CCT5: variants seen among roughly 807,000 people sequenced by gnomAD.
CCT5 encodes the protein chaperonin containing TCP1 subunit 5.
In CCT5, 6 loss-of-function variants were observed where a neutral mutation model predicts 55.0. The ratio of observed to expected loss-of-function variants is 0.11; its 90% CI spans 0.06 to 0.22. The LOEUF is 0.22. Ranked by LOEUF, CCT5 falls within the 10% of genes least tolerant of loss-of-function variation. The pLI is 1.00. For synonymous variants in CCT5, 231 were observed against 243.7 expected, an observed-to-expected ratio of 0.95 and a Z score of 0.49; for missense variants, 560 against 694.6, an observed-to-expected ratio of 0.81 and a Z score of 2.18.
chr5:10,255,964 G>T lies in CCT5; in HGVS notation c.341G>T (p.Gly114Val). The change falls in exon 4 of 11, where the codon GGT becomes GTT. Residue 114 changes from glycine to valine, a missense_variant. Around this residue, in one of 4 missense-constraint regions of CCT5, gnomAD observed 137 missense variants for 181.9 expected, o/e 0.75. Coordinates refer to ENST00000280326, the MANE Select transcript of CCT5 (RefSeq NM_012073.5). Reference sequence around the variant, plus strand: ...GCTGGCTTATTTGCAGTCCTGGCTGGTGCCTTGTTAGAAGAAGCGGAGCAA... The same window carrying T: ...GCTGGCTTATTTGCAGTCCTGGCTGTTGCCTTGTTAGAAGAAGCGGAGCAA... ...DGTTGVVVLA[G>V]ALLEEAEQLL... is the part of the protein sequence containing the mutation. The T allele has an allele frequency of 6.2e-7, 1 of 1,614,140 alleles. No homozygotes were observed. The highest frequency in any genetic ancestry group is 1.6e-4 in the Middle Eastern group (1 of 6,062).
Position 10,262,584 on chromosome 5 carries a change from C to G in CCT5, c.1283C>G (p.Ser428Cys), listed in dbSNP as rs201280643. 6.8e-5 allele frequency: 109 copies of G among 1,614,204 alleles called. No homozygotes were observed. The East Asian group carries it at 2.3e-3, about 34-fold the overall frequency. ...TATGGAGGAGGGGCTGCTGAGATATCCTGTGCCCTGGCAGTTAGCCAAGAG... is the reference window on the plus strand; with the variant it reads ...TATGGAGGAGGGGCTGCTGAGATATGCTGTGCCCTGGCAGTTAGCCAAGAG... Reference protein sequence around the residue: ...VVYGGGAAEISCALAVSQEAD... With the variant: ...VVYGGGAAEICCALAVSQEAD... The change falls in exon 9 of 11, where the codon TCC (serine) becomes TGC (cysteine). Residue 428 changes from serine (S) to cysteine (C), a missense_variant. By Grantham distance (112) the Ser-to-Cys change is moderately radical (BLOSUM62 -1). This residue lies in a region of CCT5 where 256 missense variants were observed against 372.4 expected (regional missense o/e 0.69). Coordinates refer to ENST00000280326, the MANE Select transcript of CCT5 (RefSeq NM_012073.5).
chr5:10,250,204 C>A, upstream of CCT5: 3 of 1,550,208 alleles, frequency 1.9e-6, no homozygotes, highest in Non-Finnish European at 2.6e-6. Context: ...TGAAATTAGT[C>A]TCAGTAGAAA....
upstream of CCT5, chr5:10,250,259 G>A: frequency 1.2e-6 from 2 of 1,601,092 alleles, no homozygotes; most frequent in Non-Finnish European, 8.5e-7. Flanking sequence ...AAGCTTTTGG[G>A]CCCTCCCGAG....
intron 9 of CCT5, 130 bp from the exon 10 acceptor site, chr5:10,263,003 TA>T: frequency 3.9e-6 from 3 of 777,864 alleles, no homozygotes; most frequent in Non-Finnish European, 6.7e-6. Context: ...GATACAAAAA[TA>T]AAGACAGCCT....
At chr5:10,257,713 TC>T (rs1256506551) in intron 4 of CCT5, among the ~76,000 whole-genome samples, 23 of 152,332 alleles carry the variant, frequency 1.5e-4, no homozygotes, top group African/African-American at 5.5e-4. Context: ...GAGTGACTCT[TC>T]CTGAGTGATT....
chr5:10,254,131 GTT>G lies in CCT5; in HGVS notation c.106-12_106-11del. Reference sequence around the variant, plus strand: ...ATATGTAACAGTGTTTGCTTTTTCTGTTTGTTTCATTAGTCTCATATAATGGC... The same window carrying G: ...ATATGTAACAGTGTTTGCTTTTTCTGTGTTTCATTAGTCTCATATAATGGC... On this transcript the variant is annotated splice_polypyrimidine_tract_variant and intron_variant, in intron 1 of 10. Coordinates refer to ENST00000280326, the MANE Select transcript of CCT5 (RefSeq NM_012073.5). 1 of 1,587,278 alleles carries G rather than the reference GTT, an allele frequency of 6.3e-7. No homozygotes were observed. The highest frequency in any genetic ancestry group is 8.7e-7 in the Non-Finnish European group (1 of 1,156,022).
At chr5:10,259,194 G>C (rs1343513081) in intron 6 of CCT5, among the ~76,000 whole-genome samples, 1 of 152,166 alleles carries the variant, frequency 6.6e-6, no homozygotes, top group Admixed American at 6.5e-5. Flanking sequence ...AGTAATCCCA[G>C]TTCTTTGCTC....
intron 10 of CCT5, among the ~76,000 whole-genome samples, chr5:10,263,868 A>G (rs922208091): frequency 1.3e-5 from 2 of 152,228 alleles, no homozygotes; most frequent in Admixed American, 6.5e-5. Flanking sequence ...GCTTAAAGGT[A>G]TAGGTACATT....
intron 6 of CCT5, among the ~76,000 whole-genome samples, chr5:10,260,235 C>T (rs11951413): frequency 0.017 from 2,577 of 152,220 alleles, 70 homozygotes; most frequent in African/African-American, 0.058. Flanking sequence ...CTGATCGTTG[C>T]CCTCCTAATT....
At chr5:10,250,594 C>A (rs976065396) in intron 1 of CCT5, 149 bp downstream of exon 1, 7 of 1,476,144 alleles carry the variant, frequency 4.7e-6, no homozygotes, top group Non-Finnish European at 5.4e-6. Flanking sequence ...GGCCGCTCAG[C>A]CCGCTTACTG....
chr5:10,250,939 C>T, intron 1 of CCT5: 1 of 914,924 alleles, frequency 1.1e-6, no homozygotes, highest in Non-Finnish European at 1.3e-6. Context: ...GCTTTTTTGC[C>T]CACCCTTGAG....
chr5:10,258,004 C>G, intron 4 of CCT5, 107 bp from the exon 5 acceptor site: 1 of 1,221,218 alleles, frequency 8.2e-7, no homozygotes, highest in Non-Finnish European at 1.2e-6. Context: ...CTAGAAGACT[C>G]AAAACATCGT....
rs368678540 is a variant in CCT5, at chr5:10,265,876, CCTTAA to C, written c.*1096_*1100del. ...ATGAACTTTATCACTAGTTATGCCA[CCTTAA>C]CTAGTCAGATTTCCTAGAATTAGGA... On this transcript the variant is annotated 3_prime_UTR_variant, in exon 11 of 11. Coordinates refer to ENST00000280326, the MANE Select transcript of CCT5 (RefSeq NM_012073.5). 2 of 152,150 alleles carry C rather than the reference CCTTAA, an allele frequency of 1.3e-5. No individual in the cohort carries two copies. The highest frequency in any genetic ancestry group is 4.8e-5 in the African/African-American group (2 of 41,510). 9.4% of individuals were successfully genotyped at this position (152,150 alleles called of 1,614,324 possible).
chr5:10,262,350 A>C (rs1746007077), intron 8 of CCT5, 131 bp from the exon 9 acceptor site: 1 of 985,332 alleles, frequency 1.0e-6, no homozygotes, highest in Admixed American at 1.9e-5. Flanking sequence ...AGAAAGATAA[A>C]TATTATCCGA....
intron 1 of CCT5, 81 bp downstream of exon 1, chr5:10,250,526 G>A: frequency 1.3e-6 from 2 of 1,579,290 alleles, no homozygotes; most frequent in East Asian, 2.3e-5. Context: ...GAGTTGAGGA[G>A]CGGCTCTGCC....
upstream of CCT5, chr5:10,249,952 C>T: frequency 7.7e-7 from 1 of 1,302,804 alleles, no homozygotes; most frequent in Non-Finnish European, 1.1e-6. Flanking sequence ...TGGGTCCTAC[C>T]ATCTTCTCGG....
At position 10,262,671 on chromosome 5, in the gene CCT5, G is replaced by A. The variant is rs770489920; in HGVS notation, c.1317+53G>A. On this transcript the variant is annotated intron_variant, in intron 9 of 10. Transcript: ENST00000280326. ...AGATTCAGGCCTCGCTGATGGTGGA[G>A]ACTGTGAAGCTGCGGAACAGCGAGG... 2.5e-5 allele frequency: 40 copies of A among 1,598,896 alleles called. 1 individual carries two copies. The highest frequency in any genetic ancestry group is 3.3e-5 in the Non-Finnish European group (39 of 1,167,118).
chr5:10,260,955 T>C, intron 7 of CCT5, 44 bp downstream of exon 7: 1 of 1,608,086 alleles, frequency 6.2e-7, no homozygotes, highest in Non-Finnish European at 8.5e-7. Context: ...TAGGGGTTCA[T>C]CTTATGTGTT....
intron 9 of CCT5, 141 bp from the exon 10 acceptor site, chr5:10,262,993 G>A (rs1746040740): frequency 1.3e-6 from 1 of 743,904 alleles, no homozygotes; most frequent in African/African-American, 1.7e-5. Context: ...TATTCTGATA[G>A]ATACAAAAAT....
Sources: gnomAD v4.1 joint callset for allele counts (sites outside exome capture counted in the v4.1 genomes callset) on GRCh38, gnomAD v4.1.1 for gene constraint, gnomAD v4.1.1 regional missense constraint, MANE v1.5 for transcripts, NCBI Gene and HGNC (gene_info 2026-07-23, HGNC 2026-07-21) for gene names.